The following DNAJC1 variants were observed in gnomAD, a reference collection of about 807,000 sequenced individuals.
DNAJC1 encodes the protein dnaJ homolog subfamily C member 1.
Under a neutral mutation model 76.6 loss-of-function variants are expected in DNAJC1, and 58 were observed. That is an observed-to-expected ratio of 0.76 (90% CI 0.61 to 0.94). The LOEUF is 0.94. Among genes scored for constraint, DNAJC1 ranks in the 40% least tolerant of loss-of-function variants. The pLI is 0.00. For missense variants in DNAJC1, 689 were observed against 677.3 expected (o/e 1.02, Z -0.19); for synonymous variants, 258 against 267.9 (o/e 0.96, Z 0.36).
At chr10:21,968,337 G>C (rs1181178102) in intron 1 of DNAJC1, among the ~76,000 whole-genome samples, 1 of 152,064 alleles carries the variant, frequency 6.6e-6, no homozygotes, top group African/African-American at 2.4e-5. Context: ...CACCTTATAA[G>C]ATAAGGGCTT....
chr10:21,768,169 C>T (rs1052462022), intron 9 of DNAJC1, among the ~76,000 whole-genome samples: 4 of 152,038 alleles, frequency 2.6e-5, no homozygotes, highest in African/African-American at 9.7e-5. Flanking sequence ...TGCCCTAATG[C>T]ACTTATCTAA....
intron 8 of DNAJC1, among the ~76,000 whole-genome samples, chr10:21,836,665 A>T (rs1469573292): frequency 6.6e-6 from 1 of 152,176 alleles, no homozygotes; most frequent in Non-Finnish European, 1.5e-5. Flanking sequence ...AAAAAAAGGC[A>T]GGGGTTGCAA....
intron 8 of DNAJC1, chr10:21,865,843 AT>A (rs1212126181): frequency 2.0e-5 from 3 of 152,144 alleles, no homozygotes; most frequent in Non-Finnish European, 2.9e-5. Flanking sequence ...AATATTAAAA[AT>A]TAGTCCTGGG....
chr10:21,918,467 T>C (rs945591967), intron 6 of DNAJC1, among the ~76,000 whole-genome samples: 1 of 151,696 alleles, frequency 6.6e-6, no homozygotes, highest in African/African-American at 2.4e-5. Context: ...TTACTGGTTA[T>C]GCTTTTAATG....
intron 8 of DNAJC1, among the ~76,000 whole-genome samples, chr10:21,867,965 C>T (rs1252712239): frequency 8.7e-5 from 13 of 149,632 alleles, no homozygotes; most frequent in Non-Finnish European, 1.8e-4. Context: ...CCCAGCTACT[C>T]AGGAGGCTGA....
chr10:21,950,057 G>A (rs767788142), intron 1 of DNAJC1, among the ~76,000 whole-genome samples: 1 of 149,202 alleles, frequency 6.7e-6, no homozygotes, highest in Non-Finnish European at 1.5e-5. Flanking sequence ...TTTTTTTTGA[G>A]ACAGGGTCTC....
Position 22,003,511 on chromosome 10 carries a change from GT to G in DNAJC1, c.-78del. 1 of 1,292,130 alleles carries G rather than the reference GT, an allele frequency of 7.7e-7. No individual in the cohort carries two copies. The allele number at this position is 1,292,130 out of a possible 1,614,324, so 80.0% of individuals were successfully genotyped here. A position where few individuals can be genotyped will look rare whatever the true frequency, so the allele number is the denominator to read the frequency against. ...TGGGACGTGGCGGGCGGCGCTGGCTGTGGGGAACAGCGCCTGTCAGTGAAAA... is the reference window on the plus strand; with the variant it reads ...TGGGACGTGGCGGGCGGCGCTGGCTGGGGGAACAGCGCCTGTCAGTGAAAA... On this transcript the variant is annotated 5_prime_UTR_variant, in exon 1 of 12. Coordinates refer to ENST00000376980, the MANE Select transcript of DNAJC1 (RefSeq NM_022365.4).
At chr10:21,935,253 A>C (rs1480530389) in intron 1 of DNAJC1, among the ~76,000 whole-genome samples, 1 of 152,174 alleles carries the variant, frequency 6.6e-6, no homozygotes, top group Non-Finnish European at 1.5e-5. Flanking sequence ...ATATGAGAAT[A>C]ATGTCTCACA....
At chr10:22,002,678 T>C (rs975713699) in intron 1 of DNAJC1, among the ~76,000 whole-genome samples, 3 of 152,058 alleles carry the variant, frequency 2.0e-5, no homozygotes, top group African/African-American at 7.2e-5. Context: ...AGAAAAACTT[T>C]TGCAACACAG....
chr10:21,834,161 G>C (rs1403811363), intron 8 of DNAJC1, among the ~76,000 whole-genome samples: 1 of 152,158 alleles, frequency 6.6e-6, no homozygotes, highest in East Asian at 1.9e-4. Context: ...CTACTCGGGA[G>C]GCTGAGGCAG....
chr10:21,799,487 A>C (rs1834788380), intron 9 of DNAJC1, among the ~76,000 whole-genome samples: 1 of 152,048 alleles, frequency 6.6e-6, no homozygotes, highest in South Asian at 2.1e-4. Context: ...TTTCTTGTAA[A>C]GATGAAGGTT....
intron 5 of DNAJC1, among the ~76,000 whole-genome samples, chr10:21,919,592 G>T (rs1270260031): frequency 6.6e-6 from 1 of 151,862 alleles, no homozygotes; most frequent in East Asian, 1.9e-4. Flanking sequence ...TTTCAAACTA[G>T]AAGAATTTGA....
intron 3 of DNAJC1, among the ~76,000 whole-genome samples, chr10:21,924,682 G>A (rs1837094317): frequency 6.6e-6 from 1 of 152,170 alleles, no homozygotes; most frequent in South Asian, 2.1e-4. Context: ...AGGAAAACCT[G>A]TTATAGGCAT....
At chr10:21,929,303 G>C (rs771458621) in intron 1 of DNAJC1, among the ~76,000 whole-genome samples, 162 bp from the exon 2 acceptor site, 1 of 152,176 alleles carries the variant, frequency 6.6e-6, no homozygotes, top group Non-Finnish European at 1.5e-5. Flanking sequence ...CAACAAGCCT[G>C]ACCCACATGA....
chr10:21,892,030 A>G lies in DNAJC1; in HGVS notation c.821-9591T>C, dbSNP rs555160982. 2.9e-3 allele frequency among the ~76,000 whole-genome samples: 434 copies of G among 152,234 alleles called. 4 individuals are homozygous for G. Among genetic ancestry groups the G allele is most frequent in the African/African-American group, 0.01 (419 of 41,554 alleles). On this transcript the variant is annotated intron_variant, in intron 7 of 11. Coordinates refer to ENST00000376980, the MANE Select transcript of DNAJC1 (RefSeq NM_022365.4). ...ATGATACTATAAATAAAGAAGGTAA[A>G]GGGATTTAAGGGGAGGTAAGGTTTT...
chr10:21,844,679 C>G (rs755574598), intron 8 of DNAJC1, among the ~76,000 whole-genome samples: 8 of 152,026 alleles, frequency 5.3e-5, no homozygotes, highest in Non-Finnish European at 1.2e-4. Context: ...CCACCACCAC[C>G]CCATTAGAAT....
At chr10:21,939,943 C>CAAAAAAAAAAAAA (rs374955734) in intron 1 of DNAJC1, among the ~76,000 whole-genome samples, 1 of 70,368 alleles carries the variant, frequency 1.4e-5, no homozygotes, top group Non-Finnish European at 2.7e-5. Context: ...AAACCTCTCT[C>CAAAAAAAAAAAAA]AAAAAAAAAA....
chr10:21,988,074 T>G (rs1023351526), intron 1 of DNAJC1, among the ~76,000 whole-genome samples: 1 of 152,182 alleles, frequency 6.6e-6, no homozygotes, highest in Non-Finnish European at 1.5e-5. Context: ...CACTCCTTAT[T>G]ATTAGAATTT....
intron 8 of DNAJC1, among the ~76,000 whole-genome samples, chr10:21,839,192 T>C (rs1051426176): frequency 6.6e-6 from 1 of 152,010 alleles, no homozygotes; most frequent in Admixed American, 6.5e-5. Context: ...TTAAAAGAAC[T>C]AGAAAAGCAA....
Sources: gnomAD v4.1 joint callset for allele counts (sites outside exome capture counted in the v4.1 genomes callset) on GRCh38, gnomAD v4.1.1 for gene constraint, MANE v1.5 for transcripts, NCBI Gene and HGNC (gene_info 2026-07-23, HGNC 2026-07-21) for gene names.